Variants in ATP6V0A4 observed in about 807,000 individuals in gnomAD.
ATP6V0A4 encodes V-type proton ATPase 116 kDa subunit a 4.
In ATP6V0A4, 86 loss-of-function variants were observed where a neutral mutation model predicts 107.3. That is an observed-to-expected ratio of 0.80 (90% CI 0.67 to 0.96). The LOEUF (loss-of-function observed/expected upper bound fraction) is 0.96. ATP6V0A4 is among the 40% of genes least tolerant of loss of function. The pLI, the probability that ATP6V0A4 is intolerant of heterozygous loss-of-function variation, is 0.00. For missense variants in ATP6V0A4, 908 were observed against 1,045.6 expected, an observed-to-expected ratio of 0.87 and a Z score of 1.81; for synonymous variants, 353 against 381.4, an observed-to-expected ratio of 0.93 and a Z score of 0.87.
chr7:138,784,218 AT>A (rs1225931924), intron 2 of ATP6V0A4, among the ~76,000 whole-genome samples: 3 of 87,452 alleles, frequency 3.4e-5, no homozygotes, highest in Non-Finnish European at 6.0e-5. Flanking sequence ...TAAACATTAT[AT>A]ATATATATAT....
chr7:138,720,498 TG>T (rs1169331076), intron 19 of ATP6V0A4, among the ~76,000 whole-genome samples: 3 of 152,024 alleles, frequency 2.0e-5, no homozygotes, highest in Non-Finnish European at 4.4e-5. Flanking sequence ...AGAACATGCG[TG>T]GGTTGGATTC....
Position 138,769,147 on chromosome 7 carries a change from GAAA to G in ATP6V0A4, c.196+23_196+25del, listed in dbSNP as rs55813808. On this transcript the variant is annotated intron_variant, in intron 4 of 21. Transcript: ENST00000310018. ...TTGCCAGTTCACATTTGAACAGTAA[GAAA>G]AAAAAAAAAAAAATTGGCTTACGGA... is the stretch of plus-strand genomic sequence containing the variant. 0.16 allele frequency: 242,719 copies of G among 1,551,234 alleles called. 4,485 individuals carry two copies. The highest frequency in any genetic ancestry group is 0.17 in the Non-Finnish European group (193,772 of 1,144,832).
chr7:138,746,984 A>C (rs971513854), intron 13 of ATP6V0A4, among the ~76,000 whole-genome samples: 22 of 152,322 alleles, frequency 1.4e-4, no homozygotes, highest in African/African-American at 4.6e-4. Context: ...AAGTAAAAAC[A>C]CTACAAATAG....
At chr7:138,776,746 G>C (rs151265026) in intron 2 of ATP6V0A4, among the ~76,000 whole-genome samples, 1 of 152,234 alleles carries the variant, frequency 6.6e-6, no homozygotes, top group Non-Finnish European at 1.5e-5. Flanking sequence ...CCAACTACTG[G>C]AGTCAGGATC....
chr7:138,750,726 C>A (rs1251859285), intron 11 of ATP6V0A4, among the ~76,000 whole-genome samples: 2 of 152,224 alleles, frequency 1.3e-5, no homozygotes, highest in African/African-American at 4.8e-5. Flanking sequence ...TGCATCACTT[C>A]CTCCAGGACG....
At chr7:138,797,639 T>G (rs777907976) in intron 1 of ATP6V0A4, among the ~76,000 whole-genome samples, 2 of 151,988 alleles carry the variant, frequency 1.3e-5, no homozygotes, top group Non-Finnish European at 2.9e-5. Flanking sequence ...ATGATGCGTG[T>G]TTGTAATTAA....
intron 19 of ATP6V0A4, among the ~76,000 whole-genome samples, chr7:138,717,283 C>G (rs1294387082): frequency 1.3e-5 from 2 of 152,216 alleles, no homozygotes; most frequent in Non-Finnish European, 2.9e-5. Context: ...AAGAGGAGAT[C>G]ACGCCTGTAA....
intron 7 of ATP6V0A4, among the ~76,000 whole-genome samples, chr7:138,761,168 T>C (rs918760079): frequency 3.9e-5 from 6 of 152,008 alleles, no homozygotes; most frequent in African/African-American, 1.2e-4. Flanking sequence ...AGGCCTTGTC[T>C]CTACTAAAAA....
At chr7:138,731,822 G>A (rs1304347885) in intron 17 of ATP6V0A4, among the ~76,000 whole-genome samples, 1 of 152,082 alleles carries the variant, frequency 6.6e-6, no homozygotes, top group Non-Finnish European at 1.5e-5. Flanking sequence ...GAACCCAGGA[G>A]GCGGAGGTCG....
intron 7 of ATP6V0A4, among the ~76,000 whole-genome samples, chr7:138,761,973 C>A (rs1052320589): frequency 3.3e-5 from 5 of 152,206 alleles, no homozygotes; most frequent in Non-Finnish European, 5.9e-5. Flanking sequence ...AGCCACCACG[C>A]CCGGCTCCCA....
At chr7:138,722,632 C>T (rs984392069) in intron 18 of ATP6V0A4, among the ~76,000 whole-genome samples, 1 of 149,482 alleles carries the variant, frequency 6.7e-6, no homozygotes, top group African/African-American at 2.5e-5. Context: ...GTAATCCCAG[C>T]TACCCGGGAG....
intron 8 of ATP6V0A4, among the ~76,000 whole-genome samples, chr7:138,757,431 G>A (rs1295512867): frequency 6.6e-6 from 1 of 152,086 alleles, no homozygotes; most frequent in Non-Finnish European, 1.5e-5. Flanking sequence ...TGGGAGGATT[G>A]TTTGAGCCCA....
intron 12 of ATP6V0A4, 198 bp from the exon 13 acceptor site, chr7:138,747,762 C>A: frequency 1.1e-6 from 1 of 931,562 alleles, no homozygotes. Context: ...TTCTGTTTTT[C>A]AATTTTTTTT....
chr7:138,768,977 C>T, intron 4 of ATP6V0A4, 103 bp from the exon 5 acceptor site: 1 of 1,578,488 alleles, frequency 6.3e-7, no homozygotes, highest in Non-Finnish European at 8.6e-7. Context: ...GCTCAGCTAC[C>T]TGAATTGTCC....
intron 2 of ATP6V0A4, among the ~76,000 whole-genome samples, chr7:138,783,059 A>G (rs1278508573): frequency 6.6e-6 from 1 of 152,160 alleles, no homozygotes; most frequent in African/African-American, 2.4e-5. Flanking sequence ...TGGGGGACAG[A>G]GCAAGACTCC....
intron 14 of ATP6V0A4, among the ~76,000 whole-genome samples, chr7:138,744,445 C>T (rs960342083): frequency 6.6e-6 from 1 of 152,098 alleles, no homozygotes; most frequent in African/African-American, 2.4e-5. Flanking sequence ...ACCATGTTGG[C>T]CAGGCTGGTC....
intron 20 of ATP6V0A4, among the ~76,000 whole-genome samples, chr7:138,714,159 T>C (rs1803902389): frequency 6.9e-6 from 1 of 144,546 alleles, no homozygotes; most frequent in South Asian, 2.2e-4. Context: ...GGCGGTAGAA[T>C]GACATGAGCC....
intron 16 of ATP6V0A4, 102 bp downstream of exon 16, chr7:138,734,034 A>C (rs1805173656): frequency 1.5e-6 from 2 of 1,368,324 alleles, no homozygotes. Flanking sequence ...CATAGGAAGA[A>C]AACTTGCACA....
intron 18 of ATP6V0A4, among the ~76,000 whole-genome samples, chr7:138,724,397 T>A (rs1804605398): frequency 6.6e-6 from 1 of 152,198 alleles, no homozygotes; most frequent in African/African-American, 2.4e-5. Context: ...ACAGACACCC[T>A]GACCCAAAAT....
Sources: allele counts gnomAD v4.1 joint callset (sites outside exome capture counted in the v4.1 genomes callset), GRCh38; gene constraint gnomAD v4.1.1; transcripts MANE v1.5; gene names NCBI Gene and HGNC (gene_info 2026-07-23, HGNC 2026-07-21).